NAA11: variants seen among roughly 807,000 people sequenced by gnomAD.
NAA11 encodes N-alpha-acetyltransferase 11.
NAA11 carries 15 observed loss-of-function variants against 16.1 expected under a neutral mutation model. That is an observed-to-expected ratio of 0.93 (90% CI 0.62 to 1.44). The LOEUF is 1.44. NAA11 is among the 40% of genes most tolerant of loss of function. The pLI is 0.00. For missense variants in NAA11, 298 were observed against 291.3 expected (o/e 1.02, Z -0.17); for synonymous variants, 122 against 112.4 (o/e 1.09, Z -0.54).
intron 2 of NAA11, among the ~76,000 whole-genome samples, chr4:79,235,775 T>C (rs1228453276): frequency 6.6e-6 from 1 of 152,082 alleles, no homozygotes; most frequent in Admixed American, 6.6e-5. Context: ...AGATAGATCA[T>C]AGTTCCATTA....
chr4:79,227,138 G>A (rs945959394), intron 2 of NAA11: 1 of 152,044 alleles, frequency 6.6e-6, no homozygotes, highest in African/African-American at 2.4e-5. Flanking sequence ...GTGTGAGATG[G>A]TATCTCATTG....
chr4:79,306,736 T>C (rs1163058354), intron 1 of NAA11: 1 of 152,268 alleles, frequency 6.6e-6, no homozygotes, highest in Non-Finnish European at 1.5e-5. Flanking sequence ...TAGGTAAGTA[T>C]AAATCTTGTT....
chr4:79,291,794 T>A (rs1723093347), intron 2 of NAA11, among the ~76,000 whole-genome samples: 1 of 152,152 alleles, frequency 6.6e-6, no homozygotes, highest in Admixed American at 6.5e-5. Flanking sequence ...TTAGAGGTTC[T>A]GATGAAACAT....
the NAA11 span, among the ~76,000 whole-genome samples, chr4:79,207,749 G>C: frequency 3.3e-5 from 5 of 152,022 alleles, no homozygotes; most frequent in Non-Finnish European, 7.4e-5. Flanking sequence ...GGGATTATGA[G>C]TGCTTTTATC....
At chr4:79,246,473 G>C (rs1291385162) in intron 2 of NAA11, among the ~76,000 whole-genome samples, 5 of 151,302 alleles carry the variant, frequency 3.3e-5, no homozygotes, top group African/African-American at 1.2e-4. Flanking sequence ...CCTTTAAAAT[G>C]CAATTAAGTA....
chr4:79,175,653 A>G, the NAA11 span, among the ~76,000 whole-genome samples: 2 of 151,742 alleles, frequency 1.3e-5, no homozygotes, highest in African/African-American at 4.8e-5. Context: ...CTCCTGATAA[A>G]CCATCTGTGA....
the NAA11 span, among the ~76,000 whole-genome samples, chr4:79,216,432 CT>C: frequency 2.6e-5 from 4 of 152,052 alleles, no homozygotes; most frequent in South Asian, 8.3e-4. Flanking sequence ...TGAAAGATTT[CT>C]TTTTGGTGGG....
chr4:79,279,855 A>G (rs919891611), intron 2 of NAA11, among the ~76,000 whole-genome samples: 5 of 152,090 alleles, frequency 3.3e-5, no homozygotes, highest in African/African-American at 1.2e-4. Context: ...CTTTCTGCCT[A>G]AATCAAATCC....
the NAA11 span, among the ~76,000 whole-genome samples, chr4:79,175,034 C>G: frequency 1.3e-5 from 2 of 152,266 alleles, no homozygotes; most frequent in Middle Eastern, 3.4e-3. Context: ...CTCTGAGTGT[C>G]TAAGCCATCA....
chr4:79,257,411 ATACT>A (rs1722142341), intron 2 of NAA11, among the ~76,000 whole-genome samples: 1 of 152,146 alleles, frequency 6.6e-6, no homozygotes, highest in African/African-American at 2.4e-5. Context: ...AATTTTAAAA[ATACT>A]TTAATTTGCA....
At chr4:79,251,940 T>C (rs975485192) in intron 2 of NAA11, among the ~76,000 whole-genome samples, 8 of 152,130 alleles carry the variant, frequency 5.3e-5, no homozygotes, top group African/African-American at 1.9e-4. Flanking sequence ...TGGAATCAAC[T>C]GAAATGTCCA....
downstream of NAA11, among the ~76,000 whole-genome samples, chr4:79,314,611 C>A (rs1454127871): frequency 2.1e-5 from 3 of 143,678 alleles, no homozygotes; most frequent in African/African-American, 8.1e-5. Context: ...ACCACCTGAA[C>A]CCATACATAG....
At chr4:79,185,266 A>G in the NAA11 span, among the ~76,000 whole-genome samples, 1 of 152,200 alleles carries the variant, frequency 6.6e-6, no homozygotes, top group Non-Finnish European at 1.5e-5. Flanking sequence ...AAATATTCTA[A>G]TAAAGTCACA....
the NAA11 span, among the ~76,000 whole-genome samples, chr4:79,173,398 G>A: frequency 6.6e-6 from 1 of 152,028 alleles, no homozygotes; most frequent in African/African-American, 2.4e-5. Flanking sequence ...CACACAGGAG[G>A]TATATTGAAA....
intron 2 of NAA11, among the ~76,000 whole-genome samples, chr4:79,243,430 G>T (rs138466575): frequency 6.6e-6 from 1 of 152,300 alleles, no homozygotes; most frequent in East Asian, 1.9e-4. Flanking sequence ...TAGAGGATTA[G>T]GAAGTAATTG....
chr4:79,240,607 C>T (rs1472943294), intron 2 of NAA11, among the ~76,000 whole-genome samples: 1 of 152,126 alleles, frequency 6.6e-6, no homozygotes, highest in Non-Finnish European at 1.5e-5. Flanking sequence ...GAAGATACTT[C>T]CATCAGTGGA....
At chr4:79,177,656 A>G in the NAA11 span, among the ~76,000 whole-genome samples, 1 of 152,036 alleles carries the variant, frequency 6.6e-6, no homozygotes, top group African/African-American at 2.4e-5. Flanking sequence ...ATCCCATGAG[A>G]TTTTTACATT....
At chr4:79,246,376 C>CAAAAAAAAAAAAAAAAAAA (rs1560420199) in intron 2 of NAA11, among the ~76,000 whole-genome samples, 4 of 114,190 alleles carry the variant, frequency 3.5e-5, no homozygotes, top group Non-Finnish European at 5.3e-5. Context: ...TCAATAAATA[C>CAAAAAAAAAAAAAAAAAAA]TAAAAAAAAA....
downstream of NAA11, among the ~76,000 whole-genome samples, chr4:79,225,279 G>A (rs1400512100): frequency 1.3e-5 from 2 of 151,884 alleles, no homozygotes; most frequent in Non-Finnish European, 2.9e-5. Flanking sequence ...TGCTAGAGGG[G>A]TGGTGGTTGG....
Sources: gnomAD v4.1 joint callset for allele counts (sites outside exome capture counted in the v4.1 genomes callset) on GRCh38, gnomAD v4.1.1 for gene constraint, MANE v1.5 for transcripts, NCBI Gene and HGNC (gene_info 2026-07-23, HGNC 2026-07-21) for gene names.